The following RSRC1 variants were observed in gnomAD, a reference collection of about 807,000 sequenced individuals.
RSRC1 encodes the protein arginine and serine rich coiled-coil 1.
A neutral mutation model predicts 49.1 loss-of-function variants in RSRC1; 39 were observed. That is an observed-to-expected ratio of 0.79 (90% CI 0.61 to 1.04). The LOEUF (loss-of-function observed/expected upper bound fraction) is 1.04. RSRC1 is among the 50% of genes least tolerant of loss of function. The pLI is 0.00. For synonymous variants in RSRC1, 143 were observed against 130.8 expected, an observed-to-expected ratio of 1.09 and a Z score of -0.63; for missense variants, 388 against 402.4, an observed-to-expected ratio of 0.96 and a Z score of 0.31.
intron 4 of RSRC1, among the ~76,000 whole-genome samples, chr3:158,270,523 A>G (rs926459293): frequency 6.6e-6 from 1 of 152,168 alleles, no homozygotes; most frequent in African/African-American, 2.4e-5. Flanking sequence ...ATGTATTTCA[A>G]TTGTAATTTA....
intron 4 of RSRC1, among the ~76,000 whole-genome samples, chr3:158,237,786 A>G (rs1245579680): frequency 6.6e-6 from 1 of 152,160 alleles, no homozygotes; most frequent in East Asian, 1.9e-4. Flanking sequence ...TCCTAATTGA[A>G]TACCCTTTAT....
intron 1 of RSRC1, among the ~76,000 whole-genome samples, chr3:158,111,095 T>C (rs1326575224): frequency 6.6e-6 from 1 of 152,160 alleles, no homozygotes. Flanking sequence ...AGCATTCGAG[T>C]TGTCATCTTT....
rs375704076 is a variant in RSRC1, at chr3:158,324,496, T to C, written c.531+26421T>C. Reference sequence around the variant, plus strand: ...GAACATGAGGTGTTTGGTTTTTTGTTCTTGAGATAGTTTGCTGAGAATGAT... The same window carrying C: ...GAACATGAGGTGTTTGGTTTTTTGTCCTTGAGATAGTTTGCTGAGAATGAT... On this transcript the variant is annotated intron_variant, in intron 5 of 9. Coordinates refer to ENST00000611884, the MANE Select transcript of RSRC1 (RefSeq NM_001271838.2). Among the ~76,000 whole-genome samples, 9 of 152,194 alleles carry C rather than the reference T, an allele frequency of 5.9e-5. No homozygotes were observed. In the South Asian group the frequency reaches 6.2e-4, roughly 11 times the overall value.
intron 4 of RSRC1, among the ~76,000 whole-genome samples, chr3:158,219,728 C>T (rs768612445): frequency 1.3e-5 from 2 of 151,292 alleles, no homozygotes; most frequent in South Asian, 2.1e-4. Context: ...AAGTAATGTG[C>T]GGGAGTAATG....
At chr3:158,420,922 A>G (rs941438985) in intron 6 of RSRC1, among the ~76,000 whole-genome samples, 1 of 151,924 alleles carries the variant, frequency 6.6e-6, no homozygotes, top group Non-Finnish European at 1.5e-5. Context: ...GAAGATGGTT[A>G]TTTGTTCAAC....
chr3:158,221,183 A>C (rs376936427), intron 4 of RSRC1, among the ~76,000 whole-genome samples: 6 of 151,740 alleles, frequency 4.0e-5, no homozygotes, highest in Admixed American at 1.3e-4. Flanking sequence ...ACAAAACACT[A>C]GTAAGATAAT....
chr3:158,428,889 A>T (rs1578466772), intron 6 of RSRC1, among the ~76,000 whole-genome samples: 1 of 151,788 alleles, frequency 6.6e-6, no homozygotes, highest in Admixed American at 6.6e-5. Flanking sequence ...AGCTATGGAG[A>T]CCTGAGGTAT....
intron 7 of RSRC1, among the ~76,000 whole-genome samples, chr3:158,480,863 A>G (rs987383361): frequency 2.0e-5 from 3 of 152,092 alleles, no homozygotes; most frequent in African/African-American, 7.2e-5. Flanking sequence ...AATATTCACT[A>G]TTCTTATGTG....
intron 3 of RSRC1, among the ~76,000 whole-genome samples, chr3:158,131,876 A>G (rs551856581): frequency 1.0e-3 from 156 of 151,532 alleles, no homozygotes; most frequent in African/African-American, 3.8e-3. Context: ...AAAAAGTAAT[A>G]TAATTTTAGA....
chr3:158,122,351 T>A, intron 2 of RSRC1, 53 bp downstream of exon 2: 1 of 1,238,904 alleles, frequency 8.1e-7, no homozygotes, highest in Non-Finnish European at 1.1e-6. Context: ...TTCTTTAAAA[T>A]TCATGTTTTT....
chr3:158,206,306 G>A (rs1721340380), intron 4 of RSRC1, among the ~76,000 whole-genome samples: 1 of 152,108 alleles, frequency 6.6e-6, no homozygotes, highest in Non-Finnish European at 1.5e-5. Context: ...TCTGTGTCAG[G>A]GAAGGGCTCT....
chr3:158,442,919 C>T (rs957728451), intron 6 of RSRC1, among the ~76,000 whole-genome samples: 1 of 152,054 alleles, frequency 6.6e-6, no homozygotes, highest in Non-Finnish European at 1.5e-5. Context: ...TCTTGTATGT[C>T]TCCATCAAAG....
At chr3:158,306,535 A>T (rs1456553512) in intron 5 of RSRC1, among the ~76,000 whole-genome samples, 3 of 151,886 alleles carry the variant, frequency 2.0e-5, no homozygotes, top group Non-Finnish European at 2.9e-5. Context: ...GGTTACCTTG[A>T]TTACAGTATG....
intron 7 of RSRC1, among the ~76,000 whole-genome samples, chr3:158,518,144 A>ATTTTTTT (rs1179259389): frequency 1.7e-4 from 12 of 70,942 alleles, no homozygotes; most frequent in African/African-American, 7.9e-4. Context: ...ATATATATAT[A>ATTTTTTT]TATATTTTTT....
chr3:158,461,204 T>C (rs1194037301), intron 7 of RSRC1, among the ~76,000 whole-genome samples: 5 of 151,950 alleles, frequency 3.3e-5, no homozygotes, highest in African/African-American at 7.2e-5. Flanking sequence ...CATGCTATTA[T>C]ATATTCTGGG....
At chr3:158,378,800 C>T (rs1732526882) in intron 6 of RSRC1, among the ~76,000 whole-genome samples, 1 of 152,154 alleles carries the variant, frequency 6.6e-6, no homozygotes. Context: ...GCAATTCAGC[C>T]ATGTCTTACT....
intron 7 of RSRC1, among the ~76,000 whole-genome samples, chr3:158,507,401 CAAAG>C (rs928390848): frequency 2.6e-5 from 4 of 151,926 alleles, no homozygotes; most frequent in African/African-American, 7.3e-5. Context: ...GTTCCCAACA[CAAAG>C]AAAAATGTTT....
chr3:158,360,058 G>A (rs556155593), intron 6 of RSRC1, among the ~76,000 whole-genome samples: 2 of 151,936 alleles, frequency 1.3e-5, no homozygotes, highest in Non-Finnish European at 2.9e-5. Context: ...GTCATCCCAT[G>A]GTCTGCAGCT....
At chr3:158,483,235 C>G (rs948002752) in intron 7 of RSRC1, among the ~76,000 whole-genome samples, 2 of 151,960 alleles carry the variant, frequency 1.3e-5, no homozygotes, top group African/African-American at 2.4e-5. Flanking sequence ...TAAATTAGGT[C>G]TATTAGTGGT....
Sources: gnomAD v4.1 joint callset for allele counts (sites outside exome capture counted in the v4.1 genomes callset) on GRCh38, gnomAD v4.1.1 for gene constraint, MANE v1.5 for transcripts, NCBI Gene and HGNC (gene_info 2026-07-23, HGNC 2026-07-21) for gene names.